Variants in RBFOX2 observed in about 807,000 individuals in gnomAD.
RBFOX2 encodes the protein RNA binding protein fox-1 homolog 2.
A neutral mutation model predicts 49.1 loss-of-function variants in RBFOX2; 10 were observed. The observed-to-expected ratio is 0.20, with a 90% CI of 0.13 to 0.35. The LOEUF is 0.35. Among genes scored for constraint, RBFOX2 ranks in the 10% least tolerant of loss-of-function variants. The pLI is 1.00. For missense variants in RBFOX2, 323 were observed against 486.9 expected (o/e 0.66, Z 3.17); for synonymous variants, 183 against 187.4 (o/e 0.98, Z 0.19).
chr22:35,931,850 C>A (rs937476285), intron 1 of RBFOX2, among the ~76,000 whole-genome samples: 5 of 152,154 alleles, frequency 3.3e-5, no homozygotes, highest in Non-Finnish European at 7.4e-5. Context: ...GTTTTTCAAA[C>A]AGGTTGCAAT....
chr22:35,907,673 A>G (rs2049277895), intron 1 of RBFOX2, among the ~76,000 whole-genome samples: 1 of 151,968 alleles, frequency 6.6e-6, no homozygotes, highest in South Asian at 2.1e-4. Context: ...TTTGAAACAG[A>G]GTGTCGCTCC....
intron 1 of RBFOX2, chr22:35,898,309 G>T: frequency 1.4e-6 from 1 of 738,632 alleles, no homozygotes; most frequent in Non-Finnish European, 2.5e-6. Flanking sequence ...GCTGGCAATG[G>T]AGTGGGCTGT....
At chr22:35,943,483 TA>T (rs1453597481), upstream of RBFOX2, among the ~76,000 whole-genome samples, 12 of 151,984 alleles carry the variant, frequency 7.9e-5, no homozygotes, top group African/African-American at 2.9e-4. Context: ...ACATAAGAAA[TA>T]AAATACCAAC....
rs552341432 is a variant in RBFOX2 at position 35,775,071 on chromosome 22, C to T, written c.453+2954G>A. 1.9e-4 allele frequency among the ~76,000 whole-genome samples: 29 copies of T among 152,262 alleles called. No homozygotes were observed. The South Asian group carries it at 4.6e-3, about 24-fold the overall frequency. ...CTTTTCTCTGGTTATTTTCAAAATA[C>T]GCTGTAATTTTACAGTCAACCCCAA... On this transcript the variant is annotated intron_variant, in intron 4 of 11. Transcript: ENST00000405409.
At chr22:35,923,101 T>G (rs1345366214) in intron 1 of RBFOX2, among the ~76,000 whole-genome samples, 1 of 152,184 alleles carries the variant, frequency 6.6e-6, no homozygotes, top group Non-Finnish European at 1.5e-5. Context: ...CTGAAGGTAC[T>G]GTGATAGATT....
At chr22:35,941,167 G>A (rs1017181251), upstream of RBFOX2, among the ~76,000 whole-genome samples, 2 of 152,066 alleles carry the variant, frequency 1.3e-5, no homozygotes, top group African/African-American at 2.4e-5. Context: ...TTTTTATAGG[G>A]GAGACATGCA....
intron 1 of RBFOX2, among the ~76,000 whole-genome samples, chr22:35,867,429 T>C (rs1449922233): frequency 6.6e-6 from 1 of 152,220 alleles, no homozygotes; most frequent in African/African-American, 2.4e-5. Context: ...AATGATTATA[T>C]CATGTATTTC....
intron 1 of RBFOX2, among the ~76,000 whole-genome samples, chr22:35,877,975 G>A (rs942785689): frequency 2.0e-4 from 30 of 151,518 alleles, no homozygotes; most frequent in African/African-American, 6.3e-4. Flanking sequence ...AACTCTAAAA[G>A]AGGAGACAGG....
chr22:35,840,358 CCTTT>C (rs963388648), exon 1 of RBFOX2: 112 of 1,547,112 alleles, frequency 7.2e-5, no homozygotes, highest in Non-Finnish European at 9.1e-5. Context: ...CGTTTTCCTT[CCTTT>C]TTCTTTCTAA....
intron 1 of RBFOX2, among the ~76,000 whole-genome samples, chr22:36,004,239 C>G (rs2058540440): frequency 6.6e-6 from 1 of 152,168 alleles, no homozygotes; most frequent in South Asian, 2.1e-4. Context: ...ACAACACTTT[C>G]AAAACTGAGA....
At chr22:35,777,763 T>A (rs951440225) in intron 4 of RBFOX2, 50 of 460,968 alleles carry the variant, frequency 1.1e-4, no homozygotes, top group Non-Finnish European at 1.7e-4. Flanking sequence ...TGTCATCTCC[T>A]ACATCCTGTG....
intron 1 of RBFOX2, among the ~76,000 whole-genome samples, chr22:35,907,243 C>T (rs1401193913): frequency 1.3e-5 from 2 of 152,238 alleles, no homozygotes; most frequent in African/African-American, 2.4e-5. Flanking sequence ...ACTACATCTT[C>T]CATCCTCCAC....
intron 1 of RBFOX2, chr22:35,995,292 T>C (rs1041865677): frequency 6.6e-6 from 1 of 152,160 alleles, no homozygotes; most frequent in African/African-American, 2.4e-5. Flanking sequence ...ATAAGAAGGT[T>C]TGGAAGGAAA....
chr22:35,981,004 G>C (rs907697241), intron 1 of RBFOX2, among the ~76,000 whole-genome samples: 1 of 152,098 alleles, frequency 6.6e-6, no homozygotes, highest in African/African-American at 2.4e-5. Context: ...AAGCACAGAG[G>C]AGAAAAAGAT....
At chr22:35,904,768 A>G (rs996584650) in intron 1 of RBFOX2, among the ~76,000 whole-genome samples, 3 of 152,228 alleles carry the variant, frequency 2.0e-5, no homozygotes, top group South Asian at 2.1e-4. Flanking sequence ...CTTGCTGTAT[A>G]TAAGTTAGTT....
intron 1 of RBFOX2, among the ~76,000 whole-genome samples, chr22:35,956,873 T>C (rs971059634): frequency 3.9e-5 from 6 of 152,188 alleles, no homozygotes; most frequent in Non-Finnish European, 7.3e-5. Flanking sequence ...TAACCGAGGA[T>C]GGAGAATTAG....
chr22:35,913,904 T>C (rs1051862892), intron 1 of RBFOX2, among the ~76,000 whole-genome samples: 8 of 152,076 alleles, frequency 5.3e-5, no homozygotes, highest in Non-Finnish European at 1.0e-4. Context: ...AATTTCTTTA[T>C]GGAGGAAGGA....
chr22:35,905,814 T>C (rs2049060415), intron 1 of RBFOX2, among the ~76,000 whole-genome samples: 1 of 152,118 alleles, frequency 6.6e-6, no homozygotes, highest in Non-Finnish European at 1.5e-5. Flanking sequence ...CATAGCAATG[T>C]TTCAGTCAAT....
At chr22:35,816,280 T>G (rs1342090140) in intron 1 of RBFOX2, among the ~76,000 whole-genome samples, 2 of 152,204 alleles carry the variant, frequency 1.3e-5, no homozygotes. Context: ...GTTTTGTTTT[T>G]AAGTCTAAAG....
Sources: allele counts gnomAD v4.1 joint callset (sites outside exome capture counted in the v4.1 genomes callset), GRCh38; gene constraint gnomAD v4.1.1; transcripts MANE v1.5; gene names NCBI Gene and HGNC (gene_info 2026-07-23, HGNC 2026-07-21).